The following CDH7 variants were observed in gnomAD, a reference collection of about 807,000 sequenced individuals.
CDH7 encodes the protein cadherin-7.
In CDH7, 25 loss-of-function variants were observed where a neutral mutation model predicts 71.8. That is an observed-to-expected ratio of 0.35 (90% CI 0.25 to 0.49). The LOEUF is 0.49. Ranked by LOEUF, CDH7 falls within the 20% of genes least tolerant of loss-of-function variation. The pLI, the probability that CDH7 is intolerant of heterozygous loss-of-function variation, is 0.99. For synonymous variants in CDH7, 381 were observed against 363.8 expected (o/e 1.05, Z -0.54); for missense variants, 862 against 974.6 (o/e 0.88, Z 1.54).
intron 1 of CDH7, among the ~76,000 whole-genome samples, chr18:65,754,673 T>C (rs1430823475): frequency 2.0e-5 from 3 of 152,174 alleles, no homozygotes; most frequent in Admixed American, 1.3e-4. Flanking sequence ...TCTCAAAATA[T>C]AGGACTTATG....
intron 2 of CDH7, among the ~76,000 whole-genome samples, chr18:65,783,363 C>G (rs1313934487): frequency 6.6e-6 from 1 of 152,170 alleles, no homozygotes; most frequent in Non-Finnish European, 1.5e-5. Flanking sequence ...AAGCTTATAA[C>G]ATCACTCATC....
At chr18:65,863,543 G>GGA (rs1292033715) in intron 11 of CDH7, 1 of 153,060 alleles carries the variant, frequency 6.5e-6, no homozygotes, top group African/African-American at 2.4e-5. Flanking sequence ...ACTCTACAGA[G>GGA]GAGATACACT....
chr18:65,802,891 G>A lies in CDH7; in HGVS notation c.211-6813G>A, dbSNP rs146715320. Among the ~76,000 whole-genome samples, 61 of 152,168 alleles carry A rather than the reference G, an allele frequency of 4.0e-4. No individual in the cohort carries two copies. The East Asian group carries it at 0.01, about 25-fold the overall frequency. On this transcript the variant is annotated intron_variant, in intron 2 of 11. Coordinates refer to ENST00000397968, the MANE Select transcript of CDH7 (RefSeq NM_004361.5). Reference sequence around the variant, plus strand: ...TGGTCCCTGATGAAAAATCTGTGTCGGTGAACATGAAGCTCTAAGTAACCA... The same window carrying A: ...TGGTCCCTGATGAAAAATCTGTGTCAGTGAACATGAAGCTCTAAGTAACCA...
At chr18:65,751,376 C>G (rs916218272) in intron 1 of CDH7, among the ~76,000 whole-genome samples, 3 of 152,200 alleles carry the variant, frequency 2.0e-5, no homozygotes, top group African/African-American at 4.8e-5. Context: ...CCCGGAAAGC[C>G]GGTGTTGACA....
chr18:65,772,218 A>AT (rs1367915037), intron 2 of CDH7, among the ~76,000 whole-genome samples: 4 of 152,116 alleles, frequency 2.6e-5, no homozygotes, highest in Non-Finnish European at 1.5e-5. Flanking sequence ...CTTAAATTAG[A>AT]TTTTTCTGAT....
At position 65,824,780 on chromosome 18, in the gene CDH7, T is replaced by G; in HGVS notation, c.930T>G (p.Phe310Leu). The G allele has an allele frequency of 6.2e-7, 1 of 1,612,582 alleles. No homozygotes were observed. Among genetic ancestry groups the G allele is most frequent in the Non-Finnish European group, 8.5e-7 (1 of 1,178,860 alleles). The change falls in exon 6 of 12, where the codon TTT becomes TTG. Residue 310 changes from phenylalanine (F) to leucine (L), a missense_variant. Coordinates refer to ENST00000397968, the MANE Select transcript of CDH7 (RefSeq NM_004361.5). ...KIVDGDGLGI[F>L]KISVDKETQE... ...TGGATGGTGATGGTTTGGGCATTTT[T>G]AAGATTTCTGTTGACAAAGAAACCC... is the stretch of plus-strand genomic sequence containing the variant.
intron 6 of CDH7, among the ~76,000 whole-genome samples, chr18:65,830,725 C>T (rs200806392): frequency 8.7e-4 from 113 of 130,326 alleles, no homozygotes; most frequent in Middle Eastern, 4.0e-3. Context: ...TTCTCTCTCT[C>T]TCTTTCTTTC....
intron 11 of CDH7, among the ~76,000 whole-genome samples, chr18:65,870,894 C>T (rs1188709981): frequency 6.6e-6 from 1 of 152,068 alleles, no homozygotes; most frequent in Non-Finnish European, 1.5e-5. Context: ...ATTATTGGGG[C>T]CTGTCAAAGG....
chr18:65,870,375 T>A (rs1410526232), intron 11 of CDH7, among the ~76,000 whole-genome samples: 3 of 152,238 alleles, frequency 2.0e-5, no homozygotes, highest in Non-Finnish European at 2.9e-5. Context: ...AAATGCCACT[T>A]CTGATGACAT....
At chr18:65,866,315 C>CAAAA (rs1568228989) in intron 11 of CDH7, 10 of 1,358 alleles carry the variant, frequency 7.4e-3, no homozygotes, top group Admixed American at 0.021. Flanking sequence ...AAAAAAAAAA[C>CAAAA]AAAAAAAAAA....
intron 4 of CDH7, among the ~76,000 whole-genome samples, chr18:65,820,840 GTTTCC>G (rs1911897848): frequency 6.6e-6 from 1 of 152,064 alleles, no homozygotes; most frequent in Non-Finnish European, 1.5e-5. Context: ...AGGCTGCAGT[GTTTCC>G]TTTACTGATT....
At chr18:65,825,417 A>G (rs1334668635) in intron 6 of CDH7, among the ~76,000 whole-genome samples, 1 of 151,870 alleles carries the variant, frequency 6.6e-6, no homozygotes, top group Non-Finnish European at 1.5e-5. Flanking sequence ...CAAACTAAAG[A>G]TTATTTTCCA....
intron 2 of CDH7, among the ~76,000 whole-genome samples, chr18:65,771,322 G>A (rs529446347): frequency 3.6e-4 from 54 of 152,018 alleles, no homozygotes; most frequent in Admixed American, 7.2e-4. Context: ...GTTTTAACAA[G>A]TAGAAGTTTA....
chr18:65,832,796 T>G (rs1403033682), intron 6 of CDH7, among the ~76,000 whole-genome samples: 1 of 152,138 alleles, frequency 6.6e-6, no homozygotes, highest in Non-Finnish European at 1.5e-5. Context: ...GGCACTTTAG[T>G]CTTTTTTAAT....
Position 65,887,138 on chromosome 18 carries a change from T to G in CDH7, c.*6244T>G, listed in dbSNP as rs1357321159. ...AATGGTTTATATAAGCAGGAAAAAC[T>G]TATATGATTCACTACCCTACAGCTT... is the stretch of plus-strand genomic sequence containing the variant. On this transcript the variant is annotated 3_prime_UTR_variant, in exon 12 of 12. Coordinates refer to ENST00000397968, the MANE Select transcript of CDH7 (RefSeq NM_004361.5). The G allele has an allele frequency of 6.6e-6, 1 of 152,172 alleles. No homozygotes were observed. The highest frequency in any genetic ancestry group is 2.4e-5 in the African/African-American group (1 of 41,448). The allele number at this position is 152,172 out of a possible 1,614,324, so 9.4% of individuals were successfully genotyped here. A position where few individuals can be genotyped will look rare whatever the true frequency, so the allele number is the denominator to read the frequency against.
chr18:65,788,296 A>G (rs1462421343), intron 2 of CDH7, among the ~76,000 whole-genome samples: 1 of 152,226 alleles, frequency 6.6e-6, no homozygotes, highest in African/African-American at 2.4e-5. Context: ...TCATCAATTA[A>G]GTTTACAGAC....
chr18:65,802,039 T>G (rs928912693), intron 2 of CDH7, among the ~76,000 whole-genome samples: 2 of 152,226 alleles, frequency 1.3e-5, no homozygotes, highest in Non-Finnish European at 2.9e-5. Context: ...GCTCTCTGCC[T>G]TCATTGTGGT....
Position 65,885,372 on chromosome 18 carries a change from G to GTTTTTTTTTTTTTTCTTTTTTT in CDH7, c.*4492_*4493insCTTTTTTTTTTTTTTTTTTTTT, listed in dbSNP as rs1914343855. The GTTTTTTTTTTTTTTCTTTTTTT allele has an allele frequency of 1.4e-5, 1 of 69,436 alleles. No homozygotes were observed. The highest frequency in any genetic ancestry group is 2.7e-5 in the Non-Finnish European group (1 of 37,390). The allele number at this position is 69,436 out of a possible 1,614,324, so 4.3% of individuals were successfully genotyped here. Reference sequence around the variant, plus strand: ...GTAACTGAAAAGGATGTGTGCCTGTGTTTTTTTTTTTTTTTTTTTTTTTGA... The same window carrying GTTTTTTTTTTTTTTCTTTTTTT: ...GTAACTGAAAAGGATGTGTGCCTGTGTTTTTTTTTTTTTTCTTTTTTTTTTTTTTTTTTTTTTTTTTTTTTGA... On this transcript the variant is annotated 3_prime_UTR_variant, in exon 12 of 12. Coordinates refer to ENST00000397968, the MANE Select transcript of CDH7 (RefSeq NM_004361.5).
At position 65,824,517 on chromosome 18, in the gene CDH7, C is replaced by A. The variant is rs868148128; in HGVS notation, c.794-127C>A. ...GAAACTCATCTTTTGTTTTCCATTA[C>A]CTTAGCATATATTTTATTAAAAAAT... On this transcript the variant is annotated intron_variant, in intron 5 of 11. Coordinates refer to ENST00000397968, the MANE Select transcript of CDH7 (RefSeq NM_004361.5). 2.7e-5 allele frequency: 14 copies of A among 525,458 alleles called. No individual in the cohort carries two copies. The South Asian group carries it at 5.1e-4, about 19-fold the overall frequency. The allele number at this position is 525,458 out of a possible 1,614,324, so 32.5% of individuals were successfully genotyped here.
Sources: gnomAD v4.1 joint callset for allele counts (sites outside exome capture counted in the v4.1 genomes callset) on GRCh38, gnomAD v4.1.1 for gene constraint, MANE v1.5 for transcripts, NCBI Gene and HGNC (gene_info 2026-07-23, HGNC 2026-07-21) for gene names.